Variants in BCAT1 observed in about 807,000 individuals in gnomAD.
BCAT1 encodes branched chain amino acid transaminase 1, also known as branched-chain-amino-acid aminotransferase, cytosolic.
BCAT1 carries 48 observed loss-of-function variants against 52.4 expected under a neutral mutation model. The observed-to-expected ratio is 0.92, with a 90% CI of 0.73 to 1.16. The LOEUF (loss-of-function observed/expected upper bound fraction) is 1.16. Ranked by LOEUF, BCAT1 falls within the 50% of genes most tolerant of loss-of-function variation. The pLI, the probability that BCAT1 is intolerant of heterozygous loss-of-function variation, is 0.00. For missense variants in BCAT1, 451 were observed against 457.1 expected, an observed-to-expected ratio of 0.99 and a Z score of 0.12; for synonymous variants, 167 against 161.3, an observed-to-expected ratio of 1.04 and a Z score of -0.27.
chr12:24,941,610 G>A (rs1943850094), intron 1 of BCAT1, among the ~76,000 whole-genome samples: 1 of 152,206 alleles, frequency 6.6e-6, no homozygotes, highest in Non-Finnish European at 1.5e-5. Flanking sequence ...TCCTGCCATG[G>A]TAGAAGAAAA....
chr12:24,866,105 G>A (rs533459439), intron 5 of BCAT1, among the ~76,000 whole-genome samples: 347 of 152,344 alleles, frequency 2.3e-3, no homozygotes, highest in African/African-American at 7.9e-3. Flanking sequence ...CCCGGGCTGC[G>A]CATGGTGCTT....
intron 5 of BCAT1, among the ~76,000 whole-genome samples, chr12:24,873,794 G>A (rs1041322427): frequency 6.6e-6 from 1 of 152,098 alleles, no homozygotes. Context: ...TGAATTTCAG[G>A]TTGTTGTTTT....
rs75092198 is a variant in BCAT1 at position 24,816,669 on chromosome 12, T to A, written c.*1339A>T. On this transcript the variant is annotated 3_prime_UTR_variant, in exon 11 of 11. Transcript: ENST00000261192. The stretch of plus-strand genomic sequence containing the variant: ...TGTCATTTCCATTTGGTTGGTATGA[T>A]ATCATGACCTCTCTCTAGAGCAGTG... 2,070 of 397,374 alleles carry A rather than the reference T, an allele frequency of 5.2e-3. 82 individuals are homozygous for A. In the East Asian group the frequency reaches 0.071, roughly 14 times the overall value. The allele number at this position is 397,374 out of a possible 1,614,324, so 24.6% of individuals were successfully genotyped here.
At chr12:24,911,123 A>G (rs1943318705) in intron 1 of BCAT1, among the ~76,000 whole-genome samples, 2 of 152,146 alleles carry the variant, frequency 1.3e-5, no homozygotes, top group Non-Finnish European at 2.9e-5. Flanking sequence ...AATTGAAAAA[A>G]TATTAGTTAT....
intron 5 of BCAT1, among the ~76,000 whole-genome samples, chr12:24,859,050 C>CA (rs375085641): frequency 9.6e-4 from 144 of 150,652 alleles, no homozygotes; most frequent in African/African-American, 1.6e-3. Context: ...TTAACAACAA[C>CA]AAAAAAAAAT....
chr12:24,937,952 G>T (rs953374453), intron 1 of BCAT1, among the ~76,000 whole-genome samples: 1 of 152,188 alleles, frequency 6.6e-6, no homozygotes, highest in African/African-American at 2.4e-5. Context: ...GGGGTAGCTG[G>T]CATATGAGGA....
chr12:24,888,964 G>A (rs1942762138), intron 3 of BCAT1, among the ~76,000 whole-genome samples: 1 of 152,104 alleles, frequency 6.6e-6, no homozygotes, highest in African/African-American at 2.4e-5. Context: ...CAATCAACTA[G>A]GAAAGTCCAT....
At chr12:24,873,128 T>C (rs575592451) in intron 5 of BCAT1, among the ~76,000 whole-genome samples, 2 of 152,360 alleles carry the variant, frequency 1.3e-5, no homozygotes, top group South Asian at 4.1e-4. Flanking sequence ...GGATGTAGTG[T>C]TGTTAAGTAT....
chr12:24,892,782 G>A (rs913398407), intron 3 of BCAT1, among the ~76,000 whole-genome samples: 2 of 152,186 alleles, frequency 1.3e-5, no homozygotes, highest in Non-Finnish European at 2.9e-5. Context: ...GAGCCCAGGA[G>A]TTTGAGGCTG....
At chr12:24,921,701 A>T (rs796639730) in intron 1 of BCAT1, among the ~76,000 whole-genome samples, 7 of 152,354 alleles carry the variant, frequency 4.6e-5, no homozygotes, top group African/African-American at 1.7e-4. Context: ...ACAGTTATAG[A>T]AAAATAGTTG....
intron 10 of BCAT1, among the ~76,000 whole-genome samples, chr12:24,820,035 A>T (rs1198970103): frequency 6.6e-6 from 1 of 152,200 alleles, no homozygotes; most frequent in African/African-American, 2.4e-5. Context: ...GTTCATTGGC[A>T]TTTTAGCAGA....
At chr12:24,916,166 C>A (rs1048729892) in intron 1 of BCAT1, among the ~76,000 whole-genome samples, 7 of 152,162 alleles carry the variant, frequency 4.6e-5, no homozygotes, top group Admixed American at 2.6e-4. Flanking sequence ...GTCAAAAAAA[C>A]AAACTCTTGA....
rs576194774 is a variant in BCAT1, at chr12:24,817,971, G to T, written c.*37C>A. The T allele has an allele frequency of 6.4e-5, 103 of 1,602,118 alleles. No individual in the cohort carries two copies. The African/African-American group carries it at 1.1e-3, about 18-fold the overall frequency. ...AGTCTGTCCCAGTAGCATACAGTTG[G>T]TATCCTCTATTTTCCATTGTATCCT... On this transcript the variant is annotated 3_prime_UTR_variant, in exon 11 of 11. Transcript: ENST00000261192.
intron 9 of BCAT1, among the ~76,000 whole-genome samples, chr12:24,831,206 T>C (rs2139376894): frequency 6.6e-6 from 1 of 152,346 alleles, no homozygotes; most frequent in Non-Finnish European, 1.5e-5. Flanking sequence ...ATATTTTCCC[T>C]TCCCCATGAT....
At chr12:24,943,784 A>C (rs971700319) in intron 1 of BCAT1, among the ~76,000 whole-genome samples, 2 of 151,916 alleles carry the variant, frequency 1.3e-5, no homozygotes, top group African/African-American at 4.8e-5. Flanking sequence ...GGAGATCAAG[A>C]CCTTCCTGGC....
chr12:24,840,718 A>T (rs1565456912), intron 7 of BCAT1, among the ~76,000 whole-genome samples: 3 of 152,236 alleles, frequency 2.0e-5, no homozygotes, highest in South Asian at 4.1e-4. Flanking sequence ...ATTCAGCCAC[A>T]TCTAAATTAC....
At chr12:24,850,072 C>G (rs2139465949) in intron 5 of BCAT1, 123 bp from the exon 6 acceptor site, 2 of 951,392 alleles carry the variant, frequency 2.1e-6, no homozygotes, top group East Asian at 5.6e-5. Flanking sequence ...TATTACCATA[C>G]TTTTAAAATT....
intron 1 of BCAT1, among the ~76,000 whole-genome samples, chr12:24,909,998 T>A (rs572707736): frequency 1.3e-5 from 2 of 152,236 alleles, no homozygotes; most frequent in Admixed American, 1.3e-4. Flanking sequence ...TCATGACTGA[T>A]TAAAAACACA....
At chr12:24,919,475 TAATGTCTCTAA>T (rs1382130639) in intron 1 of BCAT1, among the ~76,000 whole-genome samples, 1 of 152,194 alleles carries the variant, frequency 6.6e-6, no homozygotes, top group African/African-American at 2.4e-5. Context: ...GTAAACCACC[TAATGTCTCTAA>T]ACCCCACTTT....
Sources: gnomAD v4.1 joint callset for allele counts (sites outside exome capture counted in the v4.1 genomes callset) on GRCh38, gnomAD v4.1.1 for gene constraint, MANE v1.5 for transcripts, NCBI Gene and HGNC (gene_info 2026-07-23, HGNC 2026-07-21) for gene names.